The following NID2 variants were observed in gnomAD, a reference collection of about 807,000 sequenced individuals.
The protein encoded by NID2 is nidogen 2, also known as nidogen-2.
A neutral mutation model predicts 145.4 loss-of-function variants in NID2; 83 were observed. The observed-to-expected ratio is 0.57, with a 90% CI of 0.48 to 0.69. The LOEUF is 0.69. Ranked by LOEUF, NID2 falls within the 30% of genes least tolerant of loss-of-function variation. The probability of loss-of-function intolerance (pLI) is 0.00; values close to 1 mark genes in which losing one functional copy is unlikely to be tolerated. For missense variants in NID2, 1,807 were observed against 1,765.7 expected, an observed-to-expected ratio of 1.02 and a Z score of -0.42; for synonymous variants, 739 against 701.3, an observed-to-expected ratio of 1.05 and a Z score of -0.85.
At chr14:52,039,959 G>A (rs550173531) in intron 8 of NID2, among the ~76,000 whole-genome samples, 5 of 152,144 alleles carry the variant, frequency 3.3e-5, no homozygotes, top group Admixed American at 1.3e-4. Flanking sequence ...TTTTGTTTTT[G>A]AGATGGAGTC....
At chr14:52,048,140 G>A (rs1355890127) in intron 5 of NID2, among the ~76,000 whole-genome samples, 1 of 152,178 alleles carries the variant, frequency 6.6e-6, no homozygotes, top group Non-Finnish European at 1.5e-5. Flanking sequence ...CAGCTCCTGG[G>A]GTGGGCAGAA....
chr14:52,047,806 C>T (rs572552238), intron 5 of NID2, among the ~76,000 whole-genome samples: 2 of 152,202 alleles, frequency 1.3e-5, no homozygotes, highest in South Asian at 4.2e-4. Context: ...AGGAAATTCA[C>T]CAAGGGGTGA....
chr14:52,021,102 C>A (rs1467903470), intron 12 of NID2, among the ~76,000 whole-genome samples: 1 of 151,668 alleles, frequency 6.6e-6, no homozygotes. Flanking sequence ...GACAGGAAGT[C>A]TTTCAGAGTA....
In NID2 at chr14:52,020,187, G is replaced by A; in HGVS notation, c.2675-9C>T. 8.1e-6 allele frequency: 13 copies of A among 1,613,178 alleles called. No homozygotes were observed. The highest frequency in any genetic ancestry group is 1.1e-5 in the Non-Finnish European group (13 of 1,179,358). On this transcript the variant is annotated splice_polypyrimidine_tract_variant and intron_variant, in intron 12 of 21. Transcript: ENST00000216286. Reference sequence around the variant, plus strand: ...TGAGCATTCATCTACATCTGCAGAGGTCAGAAACAGAAGAAAGAAGCAAAG... The same window carrying A: ...TGAGCATTCATCTACATCTGCAGAGATCAGAAACAGAAGAAAGAAGCAAAG...
chr14:52,027,751 G>A (rs541690899), intron 11 of NID2, among the ~76,000 whole-genome samples: 8 of 145,082 alleles, frequency 5.5e-5, no homozygotes, highest in Admixed American at 4.8e-4. Flanking sequence ...TTGAGATGGA[G>A]TCTCACTCTG....
At chr14:52,006,774 TAC>T in intron 19 of NID2, 114 bp from the exon 20 acceptor site, 2 of 1,168,804 alleles carry the variant, frequency 1.7e-6, no homozygotes, top group Non-Finnish European at 2.5e-6. Flanking sequence ...TTACTTCCAT[TAC>T]AGTCATAGAT....
chr14:52,067,793 C>A, intron 2 of NID2, 65 bp downstream of exon 2: 2 of 1,575,874 alleles, frequency 1.3e-6, no homozygotes, highest in Non-Finnish European at 1.7e-6. Flanking sequence ...GTCCCTGGGT[C>A]GCTGCCCCAG....
intron 5 of NID2, among the ~76,000 whole-genome samples, chr14:52,046,892 C>G (rs1409582663): frequency 2.0e-5 from 3 of 152,204 alleles, no homozygotes; most frequent in Admixed American, 6.5e-5. Flanking sequence ...GAAGATGGAT[C>G]AGCCCCTAAT....
intron 9 of NID2, among the ~76,000 whole-genome samples, chr14:52,035,199 C>CTA (rs1892010937): frequency 6.6e-6 from 1 of 152,190 alleles, no homozygotes; most frequent in African/African-American, 2.4e-5. Flanking sequence ...GCATAATGGC[C>CTA]TATAACCAAC....
chr14:52,060,357 C>G lies in NID2; in HGVS notation c.535-1G>C, dbSNP rs745799169. On this transcript the variant is annotated splice_acceptor_variant, in intron 2 of 21. Transcript: ENST00000216286. LOFTEE classifies it high-confidence loss of function. Reference sequence around the variant, plus strand: ...CCAAAACTGCCTGGAAAGTGTTCAGCTGTGAGGAAAAAAAAAAAAAAAGAG... The same window carrying G: ...CCAAAACTGCCTGGAAAGTGTTCAGGTGTGAGGAAAAAAAAAAAAAAAGAG... The G allele has an allele frequency of 1.6e-6, 2 of 1,227,062 alleles. No individual in the cohort carries two copies. The highest frequency in any genetic ancestry group is 2.0e-5 in the South Asian group (1 of 49,284). 76.0% of individuals were successfully genotyped at this position (1,227,062 alleles called of 1,614,324 possible).
At chr14:52,060,007 G>T in intron 3 of NID2, 117 bp downstream of exon 3, 1 of 651,126 alleles carries the variant, frequency 1.5e-6, no homozygotes, top group Non-Finnish European at 2.5e-6. Context: ...TTGACTTGAT[G>T]CCTTACTTAG....
rs779508127 is a variant in NID2, at chr14:52,042,770, C to T, written c.1579+12G>A. ...AATAGACACACAGGAGTTCCTGGCC[C>T]CAGTCAATTACCTTCAGGCAGACAG... is the stretch of plus-strand genomic sequence containing the variant. On this transcript the variant is annotated intron_variant, in intron 6 of 21. Coordinates refer to ENST00000216286, the MANE Select transcript of NID2 (RefSeq NM_007361.4). 1.2e-6 allele frequency: 2 copies of T among 1,613,898 alleles called. No individual in the cohort carries two copies. Among genetic ancestry groups the T allele is most frequent in the South Asian group, 2.2e-5 (2 of 91,056 alleles).
intron 9 of NID2, among the ~76,000 whole-genome samples, chr14:52,030,567 A>AAGAAAGAAAGAACGAACGAAC (rs1185429260): frequency 1.0e-5 from 1 of 99,272 alleles, no homozygotes; most frequent in African/African-American, 3.9e-5. Context: ...AAAGAAAGAA[A>AAGAAAGAAAGAACGAACGAAC]GGAAGGAAGG....
At chr14:52,035,878 A>ATATATATATATATT (rs58318209) in intron 9 of NID2, among the ~76,000 whole-genome samples, 3,522 of 134,966 alleles carry the variant, frequency 0.026, 78 homozygotes, top group South Asian at 0.083. Flanking sequence ...ATATATATAT[A>ATATATATATATATT]TGTTTTATTT....
chr14:52,040,729 C>T lies in NID2; in HGVS notation c.1948G>A (p.Gly650Ser). The change falls in exon 8 of 22, where the codon GGC (glycine) becomes AGC (serine). Residue 650 changes from glycine (G) to serine (S), a missense_variant. By Grantham distance (56) the Gly-to-Ser change is moderately conservative. Coordinates refer to ENST00000216286, the MANE Select transcript of NID2 (RefSeq NM_007361.4). ...NYLSIKTNIQ[G>S]QVPYVSANFT... is the part of the protein sequence containing the mutation. ...TTTGCTGAGACGTAAGGCACCTGGC[C>T]TTGAATGTTGGTCTTAATGCTCAGG... is the stretch of plus-strand genomic sequence containing the variant. 1.2e-6 allele frequency: 2 copies of T among 1,614,134 alleles called. No homozygotes were observed. Among genetic ancestry groups the T allele is most frequent in the Non-Finnish European group, 1.7e-6 (2 of 1,180,032 alleles).
rs764356223 is a variant in NID2 at position 52,005,458 on chromosome 14, C to G, written c.*28G>C. ...TTAGGGTCCAGGTTCTGATTGTAAACTCCAAGTCTTCCTTTACATTACTGT... is the reference window on the plus strand; with the variant it reads ...TTAGGGTCCAGGTTCTGATTGTAAAGTCCAAGTCTTCCTTTACATTACTGT... On this transcript the variant is annotated 3_prime_UTR_variant, in exon 22 of 22. Coordinates refer to ENST00000216286, the MANE Select transcript of NID2 (RefSeq NM_007361.4). The G allele has an allele frequency of 6.3e-7, 1 of 1,575,766 alleles. No individual in the cohort carries two copies. Among genetic ancestry groups the G allele is most frequent in the Non-Finnish European group, 8.6e-7 (1 of 1,164,684 alleles).
intron 9 of NID2, among the ~76,000 whole-genome samples, chr14:52,035,054 T>C (rs1892005725): frequency 6.6e-6 from 1 of 152,280 alleles, no homozygotes; most frequent in African/African-American, 2.4e-5. Context: ...ATGTGCAGTT[T>C]CCCCTATTAT....
At chr14:52,045,014 G>A (rs1892436113) in intron 5 of NID2, among the ~76,000 whole-genome samples, 1 of 152,116 alleles carries the variant, frequency 6.6e-6, no homozygotes. Flanking sequence ...GCAAAGGTGG[G>A]AACCGAACCT....
chr14:52,041,722 GCA>G lies in NID2; in HGVS notation c.1825+381_1825+382del, dbSNP rs1666680484. Among the ~76,000 whole-genome samples the G allele has an allele frequency of 2.0e-5, 3 of 152,156 alleles. No individual in the cohort carries two copies. The South Asian group carries it at 6.2e-4, about 31-fold the overall frequency. ...AGGTTGTGGAGCTGGGAGGAGAAGA[GCA>G]CCCCTTCCCCATGAAGTAAAATCAT... On this transcript the variant is annotated intron_variant, in intron 7 of 21. Transcript: ENST00000216286.
Sources: allele counts gnomAD v4.1 joint callset (sites outside exome capture counted in the v4.1 genomes callset), GRCh38; gene constraint gnomAD v4.1.1; transcripts MANE v1.5; gene names NCBI Gene and HGNC (gene_info 2026-07-23, HGNC 2026-07-21).